The following CHP1 variants were observed in gnomAD, a reference collection of about 807,000 sequenced individuals.
The protein encoded by CHP1 is calcineurin B homologous protein 1.
A neutral mutation model predicts 27.4 loss-of-function variants in CHP1; 11 were observed. The observed-to-expected ratio is 0.40, with a 90% CI of 0.25 to 0.67. The LOEUF (loss-of-function observed/expected upper bound fraction) is 0.67, where lower values mean the gene tolerates loss of function less well. CHP1 is among the 30% of genes least tolerant of loss of function. CHP1 has a pLI of 0.38. For missense variants in CHP1, 169 were observed against 251.3 expected (o/e 0.67, Z 2.22); for synonymous variants, 89 against 87.4 (o/e 1.02, Z -0.10).
At chr15:41,269,086 C>T (rs1009790200) in intron 4 of CHP1, among the ~76,000 whole-genome samples, 1 of 151,972 alleles carries the variant, frequency 6.6e-6, no homozygotes, top group African/African-American at 2.4e-5. Context: ...GTCTGTGGTC[C>T]CAACTACTCT....
chr15:41,242,573 T>C (rs2047312174), intron 1 of CHP1, among the ~76,000 whole-genome samples: 1 of 151,580 alleles, frequency 6.6e-6, no homozygotes, highest in Non-Finnish European at 1.5e-5. Flanking sequence ...GAGCTGAGAT[T>C]GTACCACTGC....
chr15:41,251,570 C>T (rs2047366713), intron 2 of CHP1, among the ~76,000 whole-genome samples: 1 of 152,142 alleles, frequency 6.6e-6, no homozygotes, highest in Non-Finnish European at 1.5e-5. Flanking sequence ...ATCACCTGAG[C>T]ACCGCCTCCG....
At chr15:41,231,540 C>G in intron 1 of CHP1, 91 bp downstream of exon 1, 1 of 1,296,658 alleles carries the variant, frequency 7.7e-7, no homozygotes, top group Non-Finnish European at 1.1e-6. Flanking sequence ...GCTCGGGTGC[C>G]TGTGAGGTTG....
chr15:41,243,157 T>C (rs903325545), intron 1 of CHP1, among the ~76,000 whole-genome samples: 1 of 151,890 alleles, frequency 6.6e-6, no homozygotes, highest in African/African-American at 2.4e-5. Flanking sequence ...CTAGCCAACA[T>C]GGCGAAACCC....
chr15:41,240,705 A>T (rs1308772727), intron 1 of CHP1, among the ~76,000 whole-genome samples: 1 of 144,302 alleles, frequency 6.9e-6, no homozygotes, highest in African/African-American at 2.5e-5. Flanking sequence ...GTGAGCCAAG[A>T]TTGTGCCATT....
Position 41,278,868 on chromosome 15 carries a change from A to G in CHP1, c.513A>G (p.Ile171Met). ...QEADQDGDSA[I>M]SFTEFVKVLE... ...CTGATCAGGATGGGGACAGTGCCATATCTTTCACAGAATTTGTTAAGGTTG... is the reference window on the plus strand; with the variant it reads ...CTGATCAGGATGGGGACAGTGCCATGTCTTTCACAGAATTTGTTAAGGTTG... Residue 171 changes from isoleucine (I) to methionine (M), a missense_variant, in exon 6 of 7, where the codon ATA becomes ATG. Ile to Met is a conservative substitution (Grantham distance 10). Transcript: ENST00000334660. 1 of 1,614,200 alleles carries G rather than the reference A, an allele frequency of 6.2e-7. No homozygotes were observed. The highest frequency in any genetic ancestry group is 8.5e-7 in the Non-Finnish European group (1 of 1,180,032).
chr15:41,278,480 A>G (rs1305471547), intron 5 of CHP1, among the ~76,000 whole-genome samples: 2 of 149,872 alleles, frequency 1.3e-5, no homozygotes, highest in Non-Finnish European at 3.0e-5. Flanking sequence ...CCCAGTAGTT[A>G]TTTTTTCTGT....
chr15:41,270,646 T>C (rs748940800), intron 5 of CHP1, 28 bp downstream of exon 5: 1 of 1,571,920 alleles, frequency 6.4e-7, no homozygotes, highest in Admixed American at 1.7e-5. Context: ...CGAGAACTTG[T>C]GCTTGGACTC....
chr15:41,238,273 T>C (rs564174173), intron 1 of CHP1, among the ~76,000 whole-genome samples: 86 of 152,126 alleles, frequency 5.7e-4, no homozygotes, highest in African/African-American at 1.9e-3. Flanking sequence ...TCCTTCTGCC[T>C]CTGCCTCCTA....
chr15:41,273,942 A>G (rs1194202490), intron 5 of CHP1, among the ~76,000 whole-genome samples: 1 of 151,376 alleles, frequency 6.6e-6, no homozygotes, highest in Non-Finnish European at 1.5e-5. Context: ...CTCTGTCTTA[A>G]TAATTCACTA....
At chr15:41,245,776 T>A (rs2047331561) in intron 2 of CHP1, among the ~76,000 whole-genome samples, 1 of 152,196 alleles carries the variant, frequency 6.6e-6, no homozygotes, top group Non-Finnish European at 1.5e-5. Flanking sequence ...CTCTTTGTAG[T>A]GTTCTTTAAA....
In CHP1 at chr15:41,261,065, T is replaced by C. The variant is rs75362795; in HGVS notation, c.222-1691T>C. Among the ~76,000 whole-genome samples the C allele has an allele frequency of 4.9e-4, 75 of 152,050 alleles. 1 individual carries two copies. The highest frequency in any genetic ancestry group is 1.7e-3 in the African/African-American group (72 of 41,432). On this transcript the variant is annotated intron_variant, in intron 3 of 6. Coordinates refer to ENST00000334660, the MANE Select transcript of CHP1 (RefSeq NM_007236.5). ...ATGCCTGGCTGATTGATTGATTGAT[T>C]AATTGATTGATTCCTTCCTTCCTTC...
At chr15:41,271,121 G>A (rs2047487130) in intron 5 of CHP1, among the ~76,000 whole-genome samples, 1 of 152,112 alleles carries the variant, frequency 6.6e-6, no homozygotes, top group Non-Finnish European at 1.5e-5. Context: ...CGGGTGTGGT[G>A]GCGGGCACCT....
chr15:41,268,877 G>A (rs1048163852), intron 4 of CHP1, among the ~76,000 whole-genome samples: 5 of 148,280 alleles, frequency 3.4e-5, no homozygotes, highest in African/African-American at 5.0e-5. Context: ...GGAGAATGGC[G>A]TGAACCCAGG....
chr15:41,235,050 G>A (rs979330512), intron 1 of CHP1, among the ~76,000 whole-genome samples: 1 of 151,948 alleles, frequency 6.6e-6, no homozygotes, highest in African/African-American at 2.4e-5. Context: ...CTTTCTATTG[G>A]CATATTTGCT....
chr15:41,278,632 C>T (rs1382678208), intron 5 of CHP1, 135 bp from the exon 6 acceptor site: 2 of 1,012,884 alleles, frequency 2.0e-6, no homozygotes, highest in Non-Finnish European at 2.9e-6. Flanking sequence ...TTAACCAAAA[C>T]ATTATTATGC....
In CHP1 at chr15:41,270,582, T is replaced by C. The variant is rs1595481816; in HGVS notation, c.375T>C (p.Asp125=). The part of the protein sequence containing the change: ...LHFAFRLYDL[D]KDEKISRDEL... ...TTGCTTTTCGACTATATGATTTGGA[T>C]AAAGATGAAAAGATCTCCCGTGATG... is the stretch of plus-strand genomic sequence containing the variant. Residue 125 remains aspartate (D), a synonymous_variant, in exon 5 of 7, where the codon GAT becomes GAC. Transcript: ENST00000334660. 1 of 1,613,910 alleles carries C rather than the reference T, an allele frequency of 6.2e-7. No individual in the cohort carries two copies. The highest frequency in any genetic ancestry group is 1.1e-5 in the South Asian group (1 of 91,086).
At chr15:41,231,778 A>G (rs1401595584) in intron 1 of CHP1, among the ~76,000 whole-genome samples, 1 of 152,104 alleles carries the variant, frequency 6.6e-6, no homozygotes, top group African/African-American at 2.4e-5. Flanking sequence ...TTCCCTATGA[A>G]GAGGCATCCT....
intron 2 of CHP1, among the ~76,000 whole-genome samples, chr15:41,252,866 G>A (rs2140931428): frequency 6.7e-6 from 1 of 149,596 alleles, no homozygotes; most frequent in South Asian, 2.1e-4. Flanking sequence ...GGTATACCAT[G>A]AGGCAGAACA....
Sources: gnomAD v4.1 joint callset for allele counts (sites outside exome capture counted in the v4.1 genomes callset) on GRCh38, gnomAD v4.1.1 for gene constraint, MANE v1.5 for transcripts, NCBI Gene and HGNC (gene_info 2026-07-23, HGNC 2026-07-21) for gene names.